PDLIM1: variants seen among roughly 807,000 people sequenced by gnomAD.
The protein encoded by PDLIM1 is PDZ and LIM domain protein 1.
A neutral mutation model predicts 35.2 loss-of-function variants in PDLIM1; 25 were observed. The ratio of observed to expected loss-of-function variants is 0.71; its 90% CI spans 0.52 to 0.99. The LOEUF (loss-of-function observed/expected upper bound fraction) is 0.99, where lower values mean the gene tolerates loss of function less well. PDLIM1 is among the 50% of genes least tolerant of loss of function. PDLIM1 has a pLI of 0.00. For missense variants in PDLIM1, 363 were observed against 415.3 expected (o/e 0.87, Z 1.09); for synonymous variants, 152 against 154.0 (o/e 0.99, Z 0.10).
At position 95,265,386 on chromosome 10, in the gene PDLIM1, G is replaced by A. The variant is rs1023723437; in HGVS notation, c.334-1323C>T. On this transcript the variant is annotated intron_variant, in intron 3 of 6. Coordinates refer to ENST00000329399, the MANE Select transcript of PDLIM1 (RefSeq NM_020992.4). Reference sequence around the variant, plus strand: ...GAGGCGGGCGGATCACCTGAGGTCCGGAGTTCAAGACCAGCCTGACCAACA... The same window carrying A: ...GAGGCGGGCGGATCACCTGAGGTCCAGAGTTCAAGACCAGCCTGACCAACA... 6.6e-5 allele frequency among the ~76,000 whole-genome samples: 10 copies of A among 152,024 alleles called. No homozygotes were observed. In the East Asian group the frequency reaches 7.8e-4, roughly 12 times the overall value.
chr10:95,250,306 A>G (rs1247122332), intron 4 of PDLIM1, among the ~76,000 whole-genome samples: 3 of 152,066 alleles, frequency 2.0e-5, no homozygotes, highest in Non-Finnish European at 2.9e-5. Context: ...CCACAAGGCC[A>G]TCACATATTC....
chr10:95,249,319 C>A (rs2035248463), intron 4 of PDLIM1, among the ~76,000 whole-genome samples: 1 of 152,256 alleles, frequency 6.6e-6, no homozygotes, highest in Admixed American at 6.5e-5. Context: ...ACCTTCCTCT[C>A]AGCTGAGCTG....
At chr10:95,249,948 C>T (rs2035253803) in intron 4 of PDLIM1, among the ~76,000 whole-genome samples, 1 of 152,212 alleles carries the variant, frequency 6.6e-6, no homozygotes, top group Non-Finnish European at 1.5e-5. Context: ...GTCCTGCCCA[C>T]TCCTGCTTGG....
chr10:95,258,702 T>C (rs902848733), intron 4 of PDLIM1, among the ~76,000 whole-genome samples: 1 of 152,106 alleles, frequency 6.6e-6, no homozygotes, highest in Admixed American at 6.5e-5. Context: ...TTTCAATGGG[T>C]ACAGAATTTC....
intron 5 of PDLIM1, among the ~76,000 whole-genome samples, chr10:95,242,755 T>G (rs2035189239): frequency 6.6e-6 from 1 of 151,942 alleles, no homozygotes; most frequent in African/African-American, 2.4e-5. Flanking sequence ...CCTAGAGGGA[T>G]CTCAGAAGGG....
chr10:95,241,314 C>G (rs545675751), intron 5 of PDLIM1, among the ~76,000 whole-genome samples: 3 of 152,318 alleles, frequency 2.0e-5, no homozygotes, highest in African/African-American at 7.2e-5. Context: ...TGCCCTCCAG[C>G]GATCCTCCCA....
chr10:95,265,779 T>C (rs544190368), intron 3 of PDLIM1, among the ~76,000 whole-genome samples: 33 of 151,834 alleles, frequency 2.2e-4, no homozygotes, highest in Middle Eastern at 3.4e-3. Context: ...AAGTAGCCTG[T>C]AGTCCCAGCT....
At chr10:95,247,046 C>CT (rs2035227240) in intron 5 of PDLIM1, among the ~76,000 whole-genome samples, 169 bp downstream of exon 5, 1 of 149,348 alleles carries the variant, frequency 6.7e-6, no homozygotes, top group Non-Finnish European at 1.5e-5. Flanking sequence ...GCACTCTCTT[C>CT]CTCTCTCTCT....
chr10:95,265,878 G>A (rs1180119144), intron 3 of PDLIM1, among the ~76,000 whole-genome samples: 1 of 152,140 alleles, frequency 6.6e-6, no homozygotes, highest in Non-Finnish European at 1.5e-5. Flanking sequence ...ATCAGCCTGG[G>A]TGACAGAGCT....
chr10:95,275,718 G>A (rs11188255), intron 1 of PDLIM1, among the ~76,000 whole-genome samples: 33,180 of 152,046 alleles, frequency 0.22, 4,551 homozygotes, highest in Non-Finnish European at 0.31. Flanking sequence ...ACTTTTTTAC[G>A]GTGAACTGCT....
At chr10:95,244,209 C>T (rs1043965297) in intron 5 of PDLIM1, among the ~76,000 whole-genome samples, 1 of 152,162 alleles carries the variant, frequency 6.6e-6, no homozygotes, top group African/African-American at 2.4e-5. Flanking sequence ...CCAAGGGCCC[C>T]TTTCTCCTAG....
chr10:95,240,890 T>C (rs1455786976), intron 5 of PDLIM1, among the ~76,000 whole-genome samples: 2 of 152,114 alleles, frequency 1.3e-5, no homozygotes, highest in Non-Finnish European at 2.9e-5. Flanking sequence ...TGTACCATGG[T>C]AGCTATTAAT....
intron 1 of PDLIM1, among the ~76,000 whole-genome samples, chr10:95,282,045 T>G (rs752076371): frequency 6.6e-6 from 1 of 152,204 alleles, no homozygotes; most frequent in Non-Finnish European, 1.5e-5. Context: ...TGCAAGTAAG[T>G]GAAAGAGACA....
In PDLIM1 at chr10:95,282,715, G is replaced by A. The variant is rs140645790; in HGVS notation, c.96+8105C>T. On this transcript the variant is annotated intron_variant, in intron 1 of 6. Transcript: ENST00000329399. The stretch of plus-strand genomic sequence containing the variant: ...AGCACTTTGGGAGGCCGAGATGGGC[G>A]GATCACTTGAAGTCAGGAGTTCAAG... Among the ~76,000 whole-genome samples the A allele has an allele frequency of 3.9e-4, 59 of 152,282 alleles. 1 individual carries two copies. The highest frequency in any genetic ancestry group is 1.2e-3 in the African/African-American group (51 of 41,560).
chr10:95,270,255 T>C (rs2035452562), intron 2 of PDLIM1, among the ~76,000 whole-genome samples: 1 of 151,434 alleles, frequency 6.6e-6, no homozygotes, highest in Non-Finnish European at 1.5e-5. Flanking sequence ...GTACCTCTCA[T>C]GGGGTAGGTC....
Position 95,261,018 on chromosome 10 carries a change from C to T in PDLIM1, c.533+2846G>A, listed in dbSNP as rs534228089. On this transcript the variant is annotated intron_variant, in intron 4 of 6. Coordinates refer to ENST00000329399, the MANE Select transcript of PDLIM1 (RefSeq NM_020992.4). ...TTTCTGGGTTCAGCCTCAAAGAGTG[C>T]GGGGTGGAACAGAAACAGGACCCTC... 6.6e-5 allele frequency among the ~76,000 whole-genome samples: 10 copies of T among 152,242 alleles called. No homozygotes were observed. In the South Asian group the frequency reaches 1.7e-3, roughly 25 times the overall value.
At chr10:95,278,013 CAAAT>C (rs1191473121) in intron 1 of PDLIM1, among the ~76,000 whole-genome samples, 2 of 152,222 alleles carry the variant, frequency 1.3e-5, no homozygotes, top group East Asian at 1.9e-4. Context: ...ATACCCATGA[CAAAT>C]AAAAAGATAA....
At chr10:95,262,307 T>C (rs2035371062) in intron 4 of PDLIM1, among the ~76,000 whole-genome samples, 4 of 152,106 alleles carry the variant, frequency 2.6e-5, no homozygotes, top group Admixed American at 2.6e-4. Context: ...AAAGGTGAAT[T>C]GGGGAGAAAC....
chr10:95,240,072 A>G (rs761362399), intron 5 of PDLIM1, among the ~76,000 whole-genome samples: 1 of 152,232 alleles, frequency 6.6e-6, no homozygotes, highest in Non-Finnish European at 1.5e-5. Context: ...TGTGGAAGAC[A>G]GTGTGGTGAG....
Sources: allele counts gnomAD v4.1 joint callset (sites outside exome capture counted in the v4.1 genomes callset), GRCh38; gene constraint gnomAD v4.1.1; transcripts MANE v1.5; gene names NCBI Gene and HGNC (gene_info 2026-07-23, HGNC 2026-07-21).